Variants in TRAPPC9 observed in about 807,000 individuals in gnomAD.
TRAPPC9 encodes trafficking protein particle complex subunit 9.
Under a neutral mutation model 124.0 loss-of-function variants are expected in TRAPPC9, and 83 were observed. The ratio of observed to expected loss-of-function variants is 0.67; its 90% CI spans 0.56 to 0.80. The LOEUF (loss-of-function observed/expected upper bound fraction) is 0.80. TRAPPC9 is among the 30% of genes least tolerant of loss of function. The pLI, the probability that TRAPPC9 is intolerant of heterozygous loss-of-function variation, is 0.00. For missense variants in TRAPPC9, 1,302 were observed against 1,508.3 expected, an observed-to-expected ratio of 0.86 and a Z score of 2.27; for synonymous variants, 638 against 617.5, an observed-to-expected ratio of 1.03 and a Z score of -0.49.
intron 17 of TRAPPC9, among the ~76,000 whole-genome samples, chr8:140,183,369 A>T (rs956653057): frequency 2.6e-5 from 4 of 152,196 alleles, no homozygotes; most frequent in African/African-American, 9.7e-5. Context: ...AAGAGGAGAG[A>T]CCATCAAGTC....
At chr8:140,271,483 A>G (rs1382121211) in intron 15 of TRAPPC9, among the ~76,000 whole-genome samples, 6 of 152,178 alleles carry the variant, frequency 3.9e-5, no homozygotes, top group Admixed American at 3.3e-4. Flanking sequence ...AGCTCACACC[A>G]AGGGTATACA....
chr8:140,208,320 A>G (rs1241489782), intron 17 of TRAPPC9, among the ~76,000 whole-genome samples: 2 of 152,218 alleles, frequency 1.3e-5, no homozygotes, highest in African/African-American at 4.8e-5. Context: ...CTTGTGGTCC[A>G]GTCCTAAAGA....
chr8:140,184,300 A>C (rs1018083793), intron 17 of TRAPPC9, among the ~76,000 whole-genome samples: 1 of 152,214 alleles, frequency 6.6e-6, no homozygotes, highest in Non-Finnish European at 1.5e-5. Context: ...AGCAACACAC[A>C]AGGAAAAAAA....
At chr8:139,937,716 T>G (rs1833623505) in intron 19 of TRAPPC9, among the ~76,000 whole-genome samples, 4 of 152,136 alleles carry the variant, frequency 2.6e-5, no homozygotes, top group Non-Finnish European at 5.9e-5. Flanking sequence ...ATGAAAACAC[T>G]TGGAAGGCGC....
intron 21 of TRAPPC9, among the ~76,000 whole-genome samples, chr8:139,816,865 G>A (rs1330471465): frequency 4.6e-5 from 7 of 151,802 alleles, no homozygotes; most frequent in South Asian, 2.1e-4. Context: ...CTCACGGCCC[G>A]CCCTCACTGC....
chr8:140,300,897 G>C (rs2065957943), intron 10 of TRAPPC9, among the ~76,000 whole-genome samples: 2 of 152,218 alleles, frequency 1.3e-5, no homozygotes, highest in African/African-American at 4.8e-5. Context: ...GAGTCAGAAA[G>C]GCCAGCTTGA....
chr8:140,442,468 A>G (rs1349331971), intron 2 of TRAPPC9, among the ~76,000 whole-genome samples: 1 of 151,694 alleles, frequency 6.6e-6, no homozygotes, highest in Non-Finnish European at 1.5e-5. Flanking sequence ...GCGTGGTGGC[A>G]GGCGCCGTAG....
chr8:139,829,629 G>A (rs1004217752), intron 21 of TRAPPC9, among the ~76,000 whole-genome samples: 26 of 152,292 alleles, frequency 1.7e-4, no homozygotes, highest in Non-Finnish European at 3.5e-4. Flanking sequence ...GAATCAACAC[G>A]AACTCCTGCA....
chr8:139,985,759 T>C (rs909761739), intron 19 of TRAPPC9, among the ~76,000 whole-genome samples: 1 of 152,144 alleles, frequency 6.6e-6, no homozygotes, highest in Non-Finnish European at 1.5e-5. Context: ...TCACATTAAA[T>C]ATGAATACCC....
Position 140,283,898 on chromosome 8 carries a change from G to T in TRAPPC9, c.2105C>A (p.Ser702Tyr). The T allele has an allele frequency of 6.2e-7, 1 of 1,614,070 alleles. No homozygotes were observed. Among genetic ancestry groups the T allele is most frequent in the Non-Finnish European group, 8.5e-7 (1 of 1,180,008 alleles). The stretch of plus-strand genomic sequence containing the variant: ...CCCTCGTGCACACTACCTGGGCAGA[G>T]AGGTGCTGATCTGCAGTCTTGGCAA... ...PALPRLQIST[S>Y]LPRSAHSLQP... Residue 702 changes from serine (S) to tyrosine (Y), a missense_variant, in exon 14 of 23, where the codon TCT (serine) becomes TAT (tyrosine). This residue lies in a region of TRAPPC9 where 640 missense variants were observed against 679.3 expected (regional missense o/e 0.94). Coordinates refer to ENST00000438773, the MANE Select transcript of TRAPPC9 (RefSeq NM_001160372.4).
chr8:140,045,730 G>A (rs1841554897), intron 17 of TRAPPC9, among the ~76,000 whole-genome samples: 2 of 150,772 alleles, frequency 1.3e-5, no homozygotes. Flanking sequence ...GGCTGCTCAG[G>A]TCTTCTGGGG....
intron 21 of TRAPPC9, among the ~76,000 whole-genome samples, chr8:139,817,173 C>T (rs1367458958): frequency 2.6e-5 from 4 of 152,038 alleles, no homozygotes; most frequent in Admixed American, 1.3e-4. Flanking sequence ...TTGCAGGGGC[C>T]GCTGGAGCAG....
chr8:140,023,039 C>G (rs919410763), intron 18 of TRAPPC9, among the ~76,000 whole-genome samples: 10 of 152,216 alleles, frequency 6.6e-5, no homozygotes, highest in Non-Finnish European at 8.8e-5. Context: ...AGGGGCTGCA[C>G]GGGATCCCCC....
intron 7 of TRAPPC9, among the ~76,000 whole-genome samples, chr8:140,373,514 A>G (rs577811833): frequency 6.6e-6 from 1 of 152,316 alleles, no homozygotes; most frequent in Non-Finnish European, 1.5e-5. Flanking sequence ...GCTGGACTCC[A>G]TAATGTCCTT....
intron 21 of TRAPPC9, among the ~76,000 whole-genome samples, chr8:139,816,860 G>A (rs1399203922): frequency 4.6e-5 from 7 of 151,946 alleles, no homozygotes; most frequent in East Asian, 1.9e-4. Context: ...CCAAACTCAC[G>A]GCCCGCCCTC....
chr8:140,110,965 G>A (rs1207486770), intron 17 of TRAPPC9, among the ~76,000 whole-genome samples: 2 of 69,164 alleles, frequency 2.9e-5, no homozygotes, highest in African/African-American at 1.2e-4. Context: ...CCCCCCTGCA[G>A]CCCCTGCAGC....
intron 17 of TRAPPC9, among the ~76,000 whole-genome samples, chr8:140,056,826 C>T (rs1382727694): frequency 6.6e-6 from 1 of 152,074 alleles, no homozygotes; most frequent in Non-Finnish European, 1.5e-5. Flanking sequence ...CTATACCAAA[C>T]TAAAACGCTT....
At chr8:140,444,870 A>AAAAAAAAG (rs369901342) in intron 2 of TRAPPC9, among the ~76,000 whole-genome samples, 10,385 of 150,342 alleles carry the variant, frequency 0.069, 603 homozygotes, top group Non-Finnish European at 0.086. Flanking sequence ...ATCTCAGGAA[A>AAAAAAAAG]AAAAAAAAAA....
At chr8:140,062,006 A>G (rs1563731151) in intron 17 of TRAPPC9, among the ~76,000 whole-genome samples, 1 of 152,162 alleles carries the variant, frequency 6.6e-6, no homozygotes, top group Non-Finnish European at 1.5e-5. Context: ...GTCACACCCC[A>G]TTCCCTCGCA....
Sources: allele counts gnomAD v4.1 joint callset (sites outside exome capture counted in the v4.1 genomes callset), GRCh38; gene constraint gnomAD v4.1.1; regional missense constraint gnomAD v4.1.1; transcripts MANE v1.5; gene names NCBI Gene and HGNC (gene_info 2026-07-23, HGNC 2026-07-21).